TNR: variants seen among roughly 807,000 people sequenced by gnomAD.
The protein encoded by TNR is tenascin-R.
TNR carries 45 observed loss-of-function variants against 150.4 expected under a neutral mutation model. That is an observed-to-expected ratio of 0.30 (90% CI 0.24 to 0.38). TNR has a LOEUF of 0.38. Ranked by LOEUF, TNR falls within the 10% of genes least tolerant of loss-of-function variation. The pLI is 1.00. For missense variants in TNR, 1,544 were observed against 1,759.1 expected (o/e 0.88, Z 2.19); for synonymous variants, 687 against 678.4 (o/e 1.01, Z -0.20).
At chr1:175,726,730 A>T (rs895008312) in intron 1 of TNR, among the ~76,000 whole-genome samples, 2 of 152,266 alleles carry the variant, frequency 1.3e-5, no homozygotes, top group Admixed American at 1.3e-4. Context: ...AAATTGAAAG[A>T]CAAAATGTGA....
At chr1:175,658,757 A>G (rs920933273) in intron 1 of TNR, among the ~76,000 whole-genome samples, 1 of 152,178 alleles carries the variant, frequency 6.6e-6, no homozygotes, top group African/African-American at 2.4e-5. Flanking sequence ...ACAAATAGGG[A>G]TTCTCTCCAA....
chr1:175,689,457 AT>A (rs1222881322), intron 1 of TNR, among the ~76,000 whole-genome samples: 1 of 152,198 alleles, frequency 6.6e-6, no homozygotes, highest in Non-Finnish European at 1.5e-5. Flanking sequence ...AGGGAGGGAA[AT>A]GATGCTGGGA....
At chr1:175,331,569 T>G (rs2101987276) in intron 20 of TNR, among the ~76,000 whole-genome samples, 1 of 152,212 alleles carries the variant, frequency 6.6e-6, no homozygotes, top group South Asian at 2.1e-4. Context: ...GGCCGATATT[T>G]TCTTATATAC....
chr1:175,439,161 T>C (rs964915234), intron 2 of TNR, among the ~76,000 whole-genome samples: 48 of 152,268 alleles, frequency 3.2e-4, no homozygotes, highest in African/African-American at 1.1e-3. Flanking sequence ...AGCATGGTAC[T>C]GGTACCAAAA....
chr1:175,377,167 G>A (rs1652429068), intron 9 of TNR, among the ~76,000 whole-genome samples: 2 of 152,112 alleles, frequency 1.3e-5, no homozygotes, highest in Non-Finnish European at 2.9e-5. Context: ...AAATGGGAAT[G>A]CTAACCATAC....
At chr1:175,461,276 T>A (rs1656808359) in intron 2 of TNR, among the ~76,000 whole-genome samples, 1 of 152,210 alleles carries the variant, frequency 6.6e-6, no homozygotes, top group South Asian at 2.1e-4. Flanking sequence ...TGCAATTTAC[T>A]GGGACTAAGA....
chr1:175,737,293 G>A (rs993191447), intron 1 of TNR, among the ~76,000 whole-genome samples: 3 of 152,148 alleles, frequency 2.0e-5, no homozygotes, highest in Admixed American at 6.5e-5. Context: ...CCTGTAAAAC[G>A]GGGACAATAG....
Position 175,319,879 on chromosome 1 carries a change from A to G in TNR, c.*3478T>C, listed in dbSNP as rs999638393. 2 of 152,222 alleles carry G rather than the reference A, an allele frequency of 1.3e-5. No individual in the cohort carries two copies. The highest frequency in any genetic ancestry group is 2.4e-5 in the African/African-American group (1 of 41,462). The allele number at this position is 152,222 out of a possible 1,614,324, so 9.4% of individuals were successfully genotyped here. A position where few individuals can be genotyped will look rare whatever the true frequency, so the allele number is the denominator to read the frequency against. On this transcript the variant is annotated 3_prime_UTR_variant, in exon 23 of 23. Transcript: ENST00000367674. Reference sequence around the variant, plus strand: ...AGTTCACTGTGGTCTCAAGGCCAACAGTTTTCCACAGACTTGTCATTCTTG... The same window carrying G: ...AGTTCACTGTGGTCTCAAGGCCAACGGTTTTCCACAGACTTGTCATTCTTG...
chr1:175,625,967 CG>C (rs34922390), intron 1 of TNR, among the ~76,000 whole-genome samples: 43,323 of 151,710 alleles, frequency 0.29, 7,328 homozygotes, highest in East Asian at 0.5. Context: ...GGGAGGGACC[CG>C]GGGGGGAGGT....
intron 2 of TNR, among the ~76,000 whole-genome samples, chr1:175,508,278 A>AAAAT (rs1437318261): frequency 2.0e-5 from 3 of 152,200 alleles, no homozygotes; most frequent in African/African-American, 7.2e-5. Context: ...AAGTAAAATT[A>AAAAT]AAATAAATAA....
intron 1 of TNR, among the ~76,000 whole-genome samples, chr1:175,529,748 C>A (rs1659991740): frequency 6.6e-6 from 1 of 152,192 alleles, no homozygotes; most frequent in South Asian, 2.1e-4. Context: ...TTACAACTCC[C>A]CCTCCTGTTT....
chr1:175,616,830 C>G (rs1663791959), intron 1 of TNR, among the ~76,000 whole-genome samples: 1 of 152,182 alleles, frequency 6.6e-6, no homozygotes, highest in Admixed American at 6.5e-5. Context: ...TGACTGCATG[C>G]AGCTTTGCCA....
intron 1 of TNR, among the ~76,000 whole-genome samples, chr1:175,535,788 C>G (rs1396320858): frequency 6.6e-6 from 1 of 152,042 alleles, no homozygotes; most frequent in Admixed American, 6.5e-5. Context: ...TTTCATCAAG[C>G]TTTATGGCAG....
At chr1:175,735,988 C>T (rs1157403962) in intron 1 of TNR, among the ~76,000 whole-genome samples, 1 of 152,150 alleles carries the variant, frequency 6.6e-6, no homozygotes, top group African/African-American at 2.4e-5. Flanking sequence ...CTTCTAAAAT[C>T]AAGGTGATGT....
chr1:175,375,083 C>T (rs150271972), intron 9 of TNR, among the ~76,000 whole-genome samples: 2 of 152,064 alleles, frequency 1.3e-5, no homozygotes, highest in Non-Finnish European at 2.9e-5. Context: ...TGATTTTTTT[C>T]GCTAAATTGC....
chr1:175,399,982 G>A (rs887110555), intron 4 of TNR, among the ~76,000 whole-genome samples: 4 of 152,166 alleles, frequency 2.6e-5, no homozygotes, highest in Admixed American at 2.0e-4. Context: ...ATGAATCTCC[G>A]CAGGTCTGAC....
At chr1:175,448,861 C>A (rs1262052653) in intron 2 of TNR, among the ~76,000 whole-genome samples, 1 of 152,164 alleles carries the variant, frequency 6.6e-6, no homozygotes, top group Non-Finnish European at 1.5e-5. Flanking sequence ...TCTGAGTTGT[C>A]CTGCTTCCCT....
chr1:175,627,275 T>G (rs751262580), intron 1 of TNR, among the ~76,000 whole-genome samples: 1 of 152,214 alleles, frequency 6.6e-6, no homozygotes, highest in Non-Finnish European at 1.5e-5. Context: ...TGTTCAAACT[T>G]TGACTGTTTC....
chr1:175,417,012 A>AAAGAAAGAAAGAAAGAAAGAAAGG (rs1557920105), intron 2 of TNR, among the ~76,000 whole-genome samples: 2 of 56,084 alleles, frequency 3.6e-5, no homozygotes, highest in African/African-American at 6.1e-5. Flanking sequence ...CATCTCAAAA[A>AAAGAAAGAAAGAAAGAAAGAAAGG]AAGAAAGAAA....
Sources: allele counts gnomAD v4.1 joint callset (sites outside exome capture counted in the v4.1 genomes callset), GRCh38; gene constraint gnomAD v4.1.1; transcripts MANE v1.5; gene names NCBI Gene and HGNC (gene_info 2026-07-23, HGNC 2026-07-21).